Variants in WIPF3 observed in about 807,000 individuals in gnomAD.
WIPF3 encodes the protein WAS/WASL interacting protein family member 3, also known as WAS/WASL-interacting protein family member 3.
Under a neutral mutation model 38.9 loss-of-function variants are expected in WIPF3, and 33 were observed. The observed-to-expected ratio is 0.85, with a 90% confidence interval of 0.64 to 1.14. WIPF3 has a LOEUF of 1.14. Ranked by LOEUF, WIPF3 falls within the 50% of genes most tolerant of loss-of-function variation. The pLI, the probability that WIPF3 is intolerant of heterozygous loss-of-function variation, is 0.00. For missense variants in WIPF3, 711 were observed against 652.5 expected, an observed-to-expected ratio of 1.09 and a Z score of -0.98; for synonymous variants, 324 against 269.3, an observed-to-expected ratio of 1.20 and a Z score of -1.99.
At chr7:29,911,353 A>G (rs1049732264) in intron 8 of WIPF3, among the ~76,000 whole-genome samples, 1 of 152,196 alleles carries the variant, frequency 6.6e-6, no homozygotes, top group African/African-American at 2.4e-5. Context: ...CTACAGATTC[A>G]GTGTAAACCC....
chr7:29,889,361 T>C lies in WIPF3; in HGVS notation c.1305T>C (p.Asp435=), dbSNP rs748978086. 10 of 1,613,872 alleles carry C rather than the reference T, an allele frequency of 6.2e-6. No individual in the cohort carries two copies. In the African/African-American group the frequency reaches 1.3e-4, roughly 22 times the overall value. Residue 435 remains aspartate, a synonymous_variant, in exon 7 of 9, where the codon GAT becomes GAC. Transcript: ENST00000242140. Reference sequence around the variant, plus strand: ...CTGTGGAAGACTTTCCCCCTCCGGATGAATATAAACCATGCCAGAAGATTT... The same window carrying C: ...CTGTGGAAGACTTTCCCCCTCCGGACGAATATAAACCATGCCAGAAGATTT... The part of the protein sequence containing the change: ...FHSVEDFPPP[D]EYKPCQKIYP...
At chr7:29,861,270 G>C (rs963822193) in intron 2 of WIPF3, among the ~76,000 whole-genome samples, 1 of 152,134 alleles carries the variant, frequency 6.6e-6, no homozygotes, top group Non-Finnish European at 1.5e-5. Flanking sequence ...GGTGATTCTG[G>C]GGGGAGTGGA....
intron 2 of WIPF3, among the ~76,000 whole-genome samples, chr7:29,870,163 C>T (rs773285332): frequency 6.6e-6 from 1 of 152,096 alleles, no homozygotes; most frequent in Non-Finnish European, 1.5e-5. Context: ...AAGCCAAGGT[C>T]TTGAGGTGAG....
chr7:29,821,222 A>G (rs190537383), intron 1 of WIPF3, among the ~76,000 whole-genome samples: 39 of 152,344 alleles, frequency 2.6e-4, no homozygotes, highest in Middle Eastern at 6.8e-3. Context: ...ATATGATGGC[A>G]TGGCTAATAT....
In WIPF3 at chr7:29,878,436, C is replaced by T. The variant is rs998230257; in HGVS notation, c.224-573C>T. On this transcript the variant is annotated intron_variant, in intron 3 of 8. Transcript: ENST00000242140. This position sits in a 1 kb window ranked among gnomAD's most constrained non-coding sequence, Gnocchi z 4.0. Reference sequence around the variant, plus strand: ...TTTCCTCAGGGGCTCATGATCTTTCCGTTCCATAGATGAAAAGGTGCAGGG... The same window carrying T: ...TTTCCTCAGGGGCTCATGATCTTTCTGTTCCATAGATGAAAAGGTGCAGGG... Among the ~76,000 whole-genome samples the T allele has an allele frequency of 1.3e-5, 2 of 152,092 alleles. No homozygotes were observed. The highest frequency in any genetic ancestry group is 2.4e-5 in the African/African-American group (1 of 41,412).
chr7:29,888,854 A>T (rs957997636), intron 6 of WIPF3, among the ~76,000 whole-genome samples: 2 of 152,094 alleles, frequency 1.3e-5, no homozygotes, highest in African/African-American at 4.8e-5. Flanking sequence ...GACACAGGCC[A>T]TGCTCCTCCA....
At chr7:29,886,611 C>G (rs1439080325) in intron 5 of WIPF3, among the ~76,000 whole-genome samples, 1 of 152,016 alleles carries the variant, frequency 6.6e-6, no homozygotes, top group African/African-American at 2.4e-5. Flanking sequence ...CCCACCTCAG[C>G]CTCCTAAGGT....
intron 1 of WIPF3, among the ~76,000 whole-genome samples, chr7:29,832,779 G>T (rs4719989): frequency 0.55 from 84,028 of 151,924 alleles, 23,418 homozygotes; most frequent in Middle Eastern, 0.63. Context: ...GATTAATCCT[G>T]CTGGGAAAAA....
At chr7:29,907,955 A>T in intron 8 of WIPF3, among the ~76,000 whole-genome samples, 1 of 152,230 alleles carries the variant, frequency 6.6e-6, no homozygotes, top group East Asian at 1.9e-4. Context: ...TATGAGGTAC[A>T]AAAAAGCTAT....
intron 1 of WIPF3, among the ~76,000 whole-genome samples, chr7:29,816,535 C>A (rs1007528402): frequency 6.6e-6 from 1 of 151,802 alleles, no homozygotes; most frequent in African/African-American, 2.4e-5. Flanking sequence ...TGCTTTGTTG[C>A]CCAGGCTGGT....
intron 2 of WIPF3, among the ~76,000 whole-genome samples, chr7:29,854,115 T>C (rs1231684889): frequency 6.6e-6 from 1 of 152,210 alleles, no homozygotes; most frequent in African/African-American, 2.4e-5. Context: ...GCACCCGGCC[T>C]TTGGAGCTGC....
intron 8 of WIPF3, among the ~76,000 whole-genome samples, chr7:29,908,509 G>C (rs778222665): frequency 2.0e-5 from 3 of 152,152 alleles, no homozygotes; most frequent in Non-Finnish European, 4.4e-5. Context: ...ATACAGTACA[G>C]TCTACCCAAC....
intron 7 of WIPF3, among the ~76,000 whole-genome samples, chr7:29,902,256 TTTC>T (rs944158114): frequency 4.7e-4 from 64 of 137,244 alleles, no homozygotes; most frequent in African/African-American, 1.4e-3. Flanking sequence ...ATATTAGTGT[TTTC>T]TTCTTCTTCT....
chr7:29,887,143 G>A (rs1373936516), intron 5 of WIPF3, among the ~76,000 whole-genome samples: 3 of 152,178 alleles, frequency 2.0e-5, no homozygotes, highest in Non-Finnish European at 1.5e-5. Context: ...TGAGCCCAAG[G>A]CCAGGATGGG....
rs574834221 is a variant in WIPF3 at position 29,895,335 on chromosome 7, C to T, written c.1351+5928C>T. 3.1e-4 allele frequency among the ~76,000 whole-genome samples: 47 copies of T among 152,134 alleles called. 1 individual carries two copies. In the South Asian group the frequency reaches 8.9e-3, roughly 29 times the overall value. Reference sequence around the variant, plus strand: ...CATCAATTCCACTCTTGGGTATAGGCTAAAAAGAATTTAAAACTAGTGTTC... The same window carrying T: ...CATCAATTCCACTCTTGGGTATAGGTTAAAAAGAATTTAAAACTAGTGTTC... On this transcript the variant is annotated intron_variant, in intron 7 of 8. Transcript: ENST00000242140.
At position 29,887,665 on chromosome 7, in the gene WIPF3, G is replaced by A. The variant is rs78488255; in HGVS notation, c.1100-403G>A. On this transcript the variant is annotated intron_variant, in intron 5 of 8. Coordinates refer to ENST00000242140, the MANE Select transcript of WIPF3 (RefSeq NM_001080529.3). ...GCCTCTTCTACAGACAGCCCTTCCTGTTCTTACCACTCTCTAGTGATTCCC... is the reference window on the plus strand; with the variant it reads ...GCCTCTTCTACAGACAGCCCTTCCTATTCTTACCACTCTCTAGTGATTCCC... 3.2e-3 allele frequency among the ~76,000 whole-genome samples: 480 copies of A among 152,250 alleles called. 3 individuals are homozygous for A. Among genetic ancestry groups the A allele is most frequent in the African/African-American group, 0.011 (466 of 41,546 alleles).
intron 8 of WIPF3, among the ~76,000 whole-genome samples, chr7:29,911,240 A>G (rs1161355014): frequency 6.6e-6 from 1 of 152,200 alleles, no homozygotes; most frequent in Admixed American, 6.5e-5. Context: ...ACTATAAAAC[A>G]TGGCTGAAAT....
intron 7 of WIPF3, among the ~76,000 whole-genome samples, chr7:29,900,851 T>C (rs1201021528): frequency 1.3e-5 from 2 of 152,196 alleles, no homozygotes; most frequent in African/African-American, 4.8e-5. Flanking sequence ...TTGCACCACA[T>C]TGCACTGTCT....
Position 29,815,006 on chromosome 7 carries a change from T to G in WIPF3, c.-58+8328T>G, listed in dbSNP as rs565772642. Among the ~76,000 whole-genome samples the G allele has an allele frequency of 9.0e-4, 137 of 152,344 alleles. 1 individual carries two copies. The highest frequency in any genetic ancestry group is 8.6e-3 in the Admixed American group (132 of 15,302). ...CAAAAGTGTACTTTCTTCTTCCTTTTAACAATAGGAGTCGATTTTAAGTCT... is the reference window on the plus strand; with the variant it reads ...CAAAAGTGTACTTTCTTCTTCCTTTGAACAATAGGAGTCGATTTTAAGTCT... On this transcript the variant is annotated intron_variant, in intron 1 of 8. Coordinates refer to ENST00000242140, the MANE Select transcript of WIPF3 (RefSeq NM_001080529.3).
Sources: gnomAD v4.1 joint callset for allele counts (sites outside exome capture counted in the v4.1 genomes callset) on GRCh38, gnomAD v4.1.1 for gene constraint, Gnocchi (gnomAD v3.1) non-coding constraint, MANE v1.5 for transcripts, NCBI Gene and HGNC (gene_info 2026-07-23, HGNC 2026-07-21) for gene names.